ACAT1: variants seen among roughly 807,000 people sequenced by gnomAD.
ACAT1 encodes acetyl-CoA acetyltransferase 1.
A neutral mutation model predicts 47.3 loss-of-function variants in ACAT1; 28 were observed. The observed-to-expected ratio is 0.59, with a 90% CI of 0.44 to 0.81. ACAT1 has a LOEUF of 0.81. Among genes scored for constraint, ACAT1 ranks in the 30% least tolerant of loss-of-function variants. The pLI is 0.00. For synonymous variants in ACAT1, 181 were observed against 173.6 expected (o/e 1.04, Z -0.34); for missense variants, 469 against 524.3 (o/e 0.89, Z 1.03).
upstream of ACAT1, among the ~76,000 whole-genome samples, chr11:108,119,395 G>T (rs780435351): frequency 6.6e-6 from 1 of 151,926 alleles, no homozygotes; most frequent in Non-Finnish European, 1.5e-5. Flanking sequence ...GTAGAGATGG[G>T]GTTTTGCTAT....
In ACAT1 at chr11:108,133,957, T is replaced by C; in HGVS notation, c.238+20T>C. 4 of 1,601,334 alleles carry C rather than the reference T, an allele frequency of 2.5e-6. No individual in the cohort carries two copies. The highest frequency in any genetic ancestry group is 3.4e-6 in the Non-Finnish European group (4 of 1,168,450). On this transcript the variant is annotated intron_variant, in intron 3 of 11. Transcript: ENST00000265838. ...AGGCAGGTCAGTAGTTACTTGGCTT[T>C]TTGTGTTAAGGGAGCAAAAAGATTC...
rs749376259 is a variant in ACAT1, at chr11:108,134,219, AGG to A, written c.239_240del (p.Gly80AspfsTer13). On this transcript the variant is annotated splice_acceptor_variant and coding_sequence_variant, in exon 4 of 12. Coordinates refer to ENST00000265838, the MANE Select transcript of ACAT1 (RefSeq NM_000019.4). LOFTEE classifies it high-confidence loss of function. ...TTTTGACTTTTTTTTTTTTTAATAA[AGG>A]GATTCCAAAAGAAGAAGTGAAAGAA... 14 of 1,608,434 alleles carry A rather than the reference AGG, an allele frequency of 8.7e-6. No individual in the cohort carries two copies. The highest frequency in any genetic ancestry group is 1.1e-5 in the Non-Finnish European group (13 of 1,176,648).
At position 108,139,211 on chromosome 11, in the gene ACAT1, G is replaced by A. The variant is rs138911109; in HGVS notation, c.579+170G>A. ...ATGCCTATTGCATCGGCATGGCTCAGTCATTAAAGAAATTTTCCCACATTT... is the reference window on the plus strand; with the variant it reads ...ATGCCTATTGCATCGGCATGGCTCAATCATTAAAGAAATTTTCCCACATTT... On this transcript the variant is annotated intron_variant, in intron 6 of 11. Transcript: ENST00000265838. 59 of 816,306 alleles carry A rather than the reference G, an allele frequency of 7.2e-5. No individual in the cohort carries two copies. The East Asian group carries it at 8.2e-4, about 11-fold the overall frequency. 50.6% of individuals were successfully genotyped at this position (816,306 alleles called of 1,614,324 possible).
chr11:108,144,642 G>T (rs979357648), intron 10 of ACAT1, among the ~76,000 whole-genome samples: 1 of 151,710 alleles, frequency 6.6e-6, no homozygotes, highest in Non-Finnish European at 1.5e-5. Context: ...TAAGCACCCA[G>T]ATAAAAAAAA....
Position 108,141,644 on chromosome 11 carries a change from A to C in ACAT1, c.770A>C (p.Lys257Thr), listed in dbSNP as rs370652435. The change falls in exon 8 of 12, where the codon AAA (lysine) becomes ACA (threonine). Residue 257 changes from lysine to threonine, a missense_variant. Lys to Thr is a moderately conservative substitution (Grantham distance 78, BLOSUM62 -1). Coordinates refer to ENST00000265838, the MANE Select transcript of ACAT1 (RefSeq NM_000019.4). The stretch of plus-strand genomic sequence containing the variant: ...GTGGTGAAAGAAGATGAAGAATATA[A>C]ACGTGTTGATTTTAGCAAAGTTCCA... ...DVVVKEDEEY[K>T]RVDFSKVPKL... 7.7e-5 allele frequency: 125 copies of C among 1,613,436 alleles called. No homozygotes were observed. Among genetic ancestry groups the C allele is most frequent in the Non-Finnish European group, 1.0e-4 (120 of 1,179,842 alleles).
At chr11:108,121,264 CA>C (rs1252874999), upstream of ACAT1, 147 of 432,858 alleles carry the variant, frequency 3.4e-4, no homozygotes, top group Non-Finnish European at 5.6e-4. Flanking sequence ...CTAAGGGAAA[CA>C]TGCTCAGTAA....
chr11:108,127,566 C>G (rs2077275036), intron 1 of ACAT1, among the ~76,000 whole-genome samples: 1 of 152,090 alleles, frequency 6.6e-6, no homozygotes, highest in East Asian at 1.9e-4. Context: ...CTGTGCCCGG[C>G]CTCATAAATG....
intron 10 of ACAT1, among the ~76,000 whole-genome samples, chr11:108,145,389 T>C (rs73559271): frequency 0.023 from 3,450 of 152,176 alleles, 127 homozygotes; most frequent in African/African-American, 0.075. Flanking sequence ...GTCAAGAACA[T>C]AGAAATGGCT....
chr11:108,132,669 ACG>A (rs2077383926), intron 2 of ACAT1, among the ~76,000 whole-genome samples: 1 of 151,798 alleles, frequency 6.6e-6, no homozygotes, highest in African/African-American at 2.4e-5. Flanking sequence ...CCTGGCTAAC[ACG>A]GTGAAACCCC....
At chr11:108,127,093 G>A (rs2135306324) in intron 1 of ACAT1, among the ~76,000 whole-genome samples, 1 of 152,030 alleles carries the variant, frequency 6.6e-6, no homozygotes, top group African/African-American at 2.4e-5. Context: ...TGGGATTACA[G>A]GGGTGAGCCA....
At chr11:108,141,016 A>C (rs1447655983) in intron 7 of ACAT1, among the ~76,000 whole-genome samples, 1 of 151,992 alleles carries the variant, frequency 6.6e-6, no homozygotes, top group Admixed American at 6.6e-5. Context: ...GCTTGAGCCC[A>C]GGAGTTTGAG....
At chr11:108,139,077 T>C (rs201539130) in intron 6 of ACAT1, 36 bp downstream of exon 6, 4 of 1,610,956 alleles carry the variant, frequency 2.5e-6, no homozygotes, top group East Asian at 2.2e-5. Flanking sequence ...TGCTATCTAA[T>C]GTCCAATACT....
chr11:108,116,942 G>A (rs1269945146), upstream of ACAT1, among the ~76,000 whole-genome samples: 1 of 152,130 alleles, frequency 6.6e-6, no homozygotes, highest in African/African-American at 2.4e-5. Context: ...CCACCCAGTT[G>A]GTGGTAATTT....
At chr11:108,146,814 G>A (rs2077721194) in intron 11 of ACAT1, among the ~76,000 whole-genome samples, 1 of 152,188 alleles carries the variant, frequency 6.6e-6, no homozygotes, top group Non-Finnish European at 1.5e-5. Flanking sequence ...AGGCACGGTG[G>A]CTCACGCCTG....
chr11:108,142,836 TAA>T, intron 9 of ACAT1: 1 of 358,934 alleles, frequency 2.8e-6, no homozygotes, highest in Non-Finnish European at 5.3e-6. Context: ...GACCCTGTCT[TAA>T]AAAAAAATAA....
chr11:108,146,496 A>G, intron 11 of ACAT1, 137 bp downstream of exon 11: 1 of 874,868 alleles, frequency 1.1e-6, no homozygotes, highest in Non-Finnish European at 1.8e-6. Context: ...ACCATTTCTG[A>G]TAGATGGTAT....
chr11:108,139,938 A>G, intron 6 of ACAT1, 127 bp from the exon 7 acceptor site: 1 of 1,211,082 alleles, frequency 8.3e-7, no homozygotes, highest in East Asian at 2.6e-5. Flanking sequence ...GGCATGAGCC[A>G]CCACCTCCGG....
chr11:108,130,643 C>T (rs1335418676), intron 1 of ACAT1, among the ~76,000 whole-genome samples: 1 of 152,072 alleles, frequency 6.6e-6, no homozygotes, highest in Non-Finnish European at 1.5e-5. Context: ...CCACCCGCCT[C>T]GGCCTCCAAA....
upstream of ACAT1, among the ~76,000 whole-genome samples, chr11:108,120,698 C>G (rs1355431001): frequency 6.6e-6 from 1 of 152,108 alleles, no homozygotes; most frequent in Non-Finnish European, 1.5e-5. Flanking sequence ...AGGTTGGGGA[C>G]TGGAATCACC....
Sources: allele counts gnomAD v4.1 joint callset (sites outside exome capture counted in the v4.1 genomes callset), GRCh38; gene constraint gnomAD v4.1.1; transcripts MANE v1.5; gene names NCBI Gene and HGNC (gene_info 2026-07-23, HGNC 2026-07-21).